Variants in TRIM66 observed in about 807,000 individuals in gnomAD.
The protein encoded by TRIM66 is tripartite motif containing 66, also known as tripartite motif-containing protein 66.
In TRIM66, 99 loss-of-function variants were observed where a neutral mutation model predicts 148.2. That is an observed-to-expected ratio of 0.67 (90% CI 0.57 to 0.79). The LOEUF (loss-of-function observed/expected upper bound fraction) is 0.79, where lower values mean the gene tolerates loss of function less well. Among genes scored for constraint, TRIM66 ranks in the 30% least tolerant of loss-of-function variants. The pLI is 0.00. For synonymous variants in TRIM66, 616 were observed against 635.9 expected (o/e 0.97, Z 0.47); for missense variants, 1,666 against 1,697.9 (o/e 0.98, Z 0.33).
chr11:8,627,075 C>T (rs2034920120), intron 15 of TRIM66, among the ~76,000 whole-genome samples: 1 of 152,206 alleles, frequency 6.6e-6, no homozygotes, highest in South Asian at 2.1e-4. Flanking sequence ...TCTCATATGC[C>T]TTGTACTTGT....
At chr11:8,676,243 T>C (rs1565581198) in intron 3 of TRIM66, among the ~76,000 whole-genome samples, 1 of 152,208 alleles carries the variant, frequency 6.6e-6, no homozygotes, top group Non-Finnish European at 1.5e-5. Context: ...TCTTTTTTTT[T>C]TTTTTAACCG....
chr11:8,663,077 C>T (rs2038366228), intron 6 of TRIM66: 1 of 152,182 alleles, frequency 6.6e-6, no homozygotes, highest in Admixed American at 6.5e-5. Context: ...CATTTGTGTA[C>T]CCAGCCATCC....
intron 6 of TRIM66, among the ~76,000 whole-genome samples, chr11:8,670,623 CAA>C (rs2038880273): frequency 6.6e-6 from 1 of 151,984 alleles, no homozygotes; most frequent in African/African-American, 2.4e-5. Context: ...CCAATATTAA[CAA>C]AATTTGTAAC....
At chr11:8,622,953 A>G (rs2034445126) in intron 17 of TRIM66, 77 bp from the exon 18 acceptor site, 2 of 1,258,824 alleles carry the variant, frequency 1.6e-6, no homozygotes, top group African/African-American at 3.0e-5. Flanking sequence ...TTCTACTTAT[A>G]TCTGCTATTC....
rs1030180867 is a variant in TRIM66, at chr11:8,649,845, A to T, written c.487T>A (p.Cys163Ser). ...CKEKRAAHILCTYCNRWLCSS... is the reference protein window; with the variant it reads ...CKEKRAAHILSTYCNRWLCSS... The stretch of plus-strand genomic sequence containing the variant: ...CACAGCCAGCGATTGCAGTAGGTGC[A>T]GAGGATATGTGCTGCCCTCTTCTCC... Residue 163 changes from cysteine to serine, a missense_variant, in exon 8 of 25, where the codon TGC (cysteine) becomes AGC (serine). Physicochemically the swap from Cys to Ser is moderately radical, Grantham distance 112 (BLOSUM62 -1). This residue lies in a region of TRIM66 where 1,431 missense variants were observed against 1,412.4 expected (regional missense o/e 1.01). Coordinates refer to ENST00000646038, the MANE Select transcript of TRIM66 (RefSeq NM_001388022.1). The T allele has an allele frequency of 6.4e-7, 1 of 1,551,698 alleles. No individual in the cohort carries two copies. The highest frequency in any genetic ancestry group is 8.7e-7 in the Non-Finnish European group (1 of 1,146,994).
intron 1 of TRIM66, among the ~76,000 whole-genome samples, chr11:8,681,291 G>A (rs2039410998): frequency 6.6e-6 from 1 of 151,872 alleles, no homozygotes; most frequent in African/African-American, 2.4e-5. Flanking sequence ...CCACCACCAC[G>A]CCCATCTAAT....
chr11:8,621,231 G>A lies in TRIM66; in HGVS notation c.3346C>T (p.Pro1116Ser), dbSNP rs760668763. ...TVTSLAGQRPPEVEGTSPEEH... is the reference protein window; with the variant it reads ...TVTSLAGQRPSEVEGTSPEEH... ...TCAGGAGATGTGCCCTCCACTTCTG[G>A]TGGCCGCTGCCCAGCCAAAGAAGTG... Residue 1116 changes from proline (P) to serine (S), a missense_variant, in exon 20 of 25, where the codon CCA (proline) becomes TCA (serine). By Grantham distance (74) the Pro-to-Ser change is moderately conservative (BLOSUM62 -1). This residue lies in a region of TRIM66 where 1,431 missense variants were observed against 1,412.4 expected (regional missense o/e 1.01). Transcript: ENST00000646038. 3 of 1,551,686 alleles carry A rather than the reference G, an allele frequency of 1.9e-6. No homozygotes were observed. The highest frequency in any genetic ancestry group is 2.4e-5 in the East Asian group (1 of 40,918).
At chr11:8,660,740 G>A (rs1224563497) in intron 6 of TRIM66, among the ~76,000 whole-genome samples, 3 of 152,148 alleles carry the variant, frequency 2.0e-5, no homozygotes, top group Non-Finnish European at 2.9e-5. Context: ...CCAAGCCCAC[G>A]TCCATCTTTG....
intron 3 of TRIM66, among the ~76,000 whole-genome samples, 174 bp from the exon 4 acceptor site, chr11:8,675,057 C>G (rs1419075417): frequency 6.6e-6 from 1 of 152,206 alleles, no homozygotes; most frequent in African/African-American, 2.4e-5. Context: ...GCTCTTTGAA[C>G]TAGTCTTTTC....
chr11:8,621,852 G>A (rs1592007690), intron 18 of TRIM66, 33 bp from the exon 19 acceptor site: 2 of 1,504,820 alleles, frequency 1.3e-6, no homozygotes, highest in East Asian at 5.0e-5. Context: ...GGGTCTTGGT[G>A]GGATCCTCCT....
At chr11:8,658,808 G>A (rs563963020) in intron 6 of TRIM66, 3 of 985,176 alleles carry the variant, frequency 3.0e-6, no homozygotes, top group Non-Finnish European at 3.6e-6. Context: ...AGGGTGTGGG[G>A]GGGCCTTCAA....
chr11:8,622,475 T>A (rs1434471301), intron 18 of TRIM66, among the ~76,000 whole-genome samples: 2 of 150,520 alleles, frequency 1.3e-5, no homozygotes, highest in African/African-American at 2.5e-5. Flanking sequence ...GGACTCTGAA[T>A]GTGGACTCTA....
intron 6 of TRIM66, among the ~76,000 whole-genome samples, chr11:8,661,092 G>A (rs77945468): frequency 0.051 from 7,735 of 152,294 alleles, 266 homozygotes; most frequent in Non-Finnish European, 0.069. Flanking sequence ...AGAGGATTTG[G>A]AAGCATAATC....
At chr11:8,637,190 A>G (rs1324826309) in intron 15 of TRIM66, among the ~76,000 whole-genome samples, 1 of 152,160 alleles carries the variant, frequency 6.6e-6, no homozygotes, top group Non-Finnish European at 1.5e-5. Flanking sequence ...ATTATTGTTG[A>G]TTAACTGTCT....
chr11:8,672,216 T>C, intron 5 of TRIM66, 32 bp downstream of exon 5: 2 of 1,536,148 alleles, frequency 1.3e-6, no homozygotes, highest in East Asian at 2.4e-5. Context: ...TCTCCAGAGC[T>C]GGAGGCTCAT....
chr11:8,682,807 T>G, upstream of TRIM66: 1 of 1,613,340 alleles, frequency 6.2e-7, no homozygotes, highest in Non-Finnish European at 8.5e-7. Flanking sequence ...TCGTCTGGGC[T>G]GCCAACATGG....
chr11:8,646,595 T>C (rs1159789924), intron 10 of TRIM66, 34 bp from the exon 11 acceptor site: 2 of 1,502,108 alleles, frequency 1.3e-6, no homozygotes, highest in East Asian at 2.5e-5. Flanking sequence ...ATGGTAAGCT[T>C]TCCTCATGGA....
chr11:8,682,772 G>A (rs377648041), upstream of TRIM66: 1 of 1,613,582 alleles, frequency 6.2e-7, no homozygotes, highest in African/African-American at 1.3e-5. Flanking sequence ...GATACCTCGC[G>A]AGACTTGGCG....
chr11:8,631,859 C>T (rs2035433196), intron 15 of TRIM66, among the ~76,000 whole-genome samples: 1 of 152,188 alleles, frequency 6.6e-6, no homozygotes, highest in African/African-American at 2.4e-5. Flanking sequence ...GTTTTTGCTG[C>T]TGTTCCAAAG....
Sources: gnomAD v4.1 joint callset for allele counts (sites outside exome capture counted in the v4.1 genomes callset) on GRCh38, gnomAD v4.1.1 for gene constraint, gnomAD v4.1.1 regional missense constraint, MANE v1.5 for transcripts, NCBI Gene and HGNC (gene_info 2026-07-23, HGNC 2026-07-21) for gene names.